Variants in AGTPBP1 observed in about 807,000 individuals in gnomAD.
AGTPBP1 encodes cytosolic carboxypeptidase 1.
In AGTPBP1, 70 loss-of-function variants were observed where a neutral mutation model predicts 143.9. The observed-to-expected ratio is 0.49, with a 90% confidence interval of 0.40 to 0.59. The LOEUF is 0.59. Ranked by LOEUF, AGTPBP1 falls within the 20% of genes least tolerant of loss-of-function variation. The pLI is 0.00. For synonymous variants in AGTPBP1, 463 were observed against 500.2 expected (o/e 0.93, Z 0.99); for missense variants, 1,229 against 1,464.5 (o/e 0.84, Z 2.62).
Position 85,714,880 on chromosome 9 carries a change from T to C in AGTPBP1, c.-33-2314A>G, listed in dbSNP as rs184731725. Among the ~76,000 whole-genome samples the C allele has an allele frequency of 2.8e-3, 433 of 152,294 alleles. 3 individuals are homozygous for C. The highest frequency in any genetic ancestry group is 0.022 in the South Asian group (106 of 4,828). On this transcript the variant is annotated intron_variant, in intron 1 of 25. Coordinates refer to ENST00000357081, the MANE Select transcript of AGTPBP1 (RefSeq NM_001330701.2). ...AAAAATGAATATATATGTGTGTATA[T>C]ATGATCAGAATATCAAGACAACGTG...
chr9:85,771,691 G>C, the AGTPBP1 span, among the ~76,000 whole-genome samples: 4 of 148,210 alleles, frequency 2.7e-5, no homozygotes, highest in Non-Finnish European at 6.0e-5. Context: ...CTCGCTCTGT[G>C]GCCCAGGCTG....
intron 7 of AGTPBP1, 107 bp from the exon 8 acceptor site, chr9:85,669,685 G>A (rs1012108922): frequency 3.2e-6 from 2 of 617,578 alleles, no homozygotes; most frequent in Non-Finnish European, 5.8e-6. Context: ...TTTAGTAAAT[G>A]TCAACTCAAG....
At chr9:85,757,367 G>A in the AGTPBP1 span, among the ~76,000 whole-genome samples, 2 of 151,870 alleles carry the variant, frequency 1.3e-5, 1 homozygote, top group Non-Finnish European at 2.9e-5. Flanking sequence ...GCCCGGCCTT[G>A]AGTTATATAC....
intron 17 of AGTPBP1, among the ~76,000 whole-genome samples, chr9:85,618,325 A>G (rs1305027065): frequency 1.3e-5 from 2 of 152,198 alleles, no homozygotes; most frequent in African/African-American, 2.4e-5. Context: ...ATTCTACCAA[A>G]GTTTAAGAAT....
At chr9:85,756,716 G>A in the AGTPBP1 span, among the ~76,000 whole-genome samples, 1 of 152,180 alleles carries the variant, frequency 6.6e-6, no homozygotes, top group South Asian at 2.1e-4. Flanking sequence ...ATCAAGTGAT[G>A]AATGGATAAA....
intron 25 of AGTPBP1, among the ~76,000 whole-genome samples, chr9:85,574,496 A>T (rs1277819821): frequency 6.6e-6 from 1 of 151,984 alleles, no homozygotes; most frequent in Non-Finnish European, 1.5e-5. Flanking sequence ...TATGACATGA[A>T]ATTATCTCTG....
At chr9:85,654,589 T>A (rs2133926434) in intron 11 of AGTPBP1, among the ~76,000 whole-genome samples, 1 of 152,292 alleles carries the variant, frequency 6.6e-6, no homozygotes, top group South Asian at 2.1e-4. Context: ...ACACCTGTAA[T>A]CCCAGCACTT....
intron 25 of AGTPBP1, among the ~76,000 whole-genome samples, chr9:85,550,294 T>TC: frequency 6.6e-6 from 1 of 151,642 alleles, no homozygotes; most frequent in East Asian, 1.9e-4. Flanking sequence ...GAAGATTACA[T>TC]CCCCCAACAT....
intron 13 of AGTPBP1, among the ~76,000 whole-genome samples, chr9:85,639,789 T>A (rs1346108128): frequency 6.6e-6 from 1 of 152,166 alleles, no homozygotes; most frequent in African/African-American, 2.4e-5. Flanking sequence ...TATTCTGCCA[T>A]CAAGAAACAA....
chr9:85,743,190 A>G (rs1208885482), upstream of AGTPBP1, among the ~76,000 whole-genome samples: 1 of 152,260 alleles, frequency 6.6e-6, no homozygotes, highest in Non-Finnish European at 1.5e-5. Context: ...TAATTTTACA[A>G]TAATGCTAAA....
At chr9:85,558,257 C>T (rs1313174931) in intron 25 of AGTPBP1, among the ~76,000 whole-genome samples, 2 of 152,128 alleles carry the variant, frequency 1.3e-5, no homozygotes, top group Non-Finnish European at 2.9e-5. Flanking sequence ...TTGTATGATT[C>T]CATTTCTATG....
chr9:85,783,634 T>G, the AGTPBP1 span, among the ~76,000 whole-genome samples: 1 of 152,124 alleles, frequency 6.6e-6, no homozygotes, highest in Non-Finnish European at 1.5e-5. Flanking sequence ...TGTTTTTTTT[T>G]TGTTTGTTTT....
At chr9:85,560,386 C>T (rs1008405682) in intron 25 of AGTPBP1, among the ~76,000 whole-genome samples, 1 of 152,166 alleles carries the variant, frequency 6.6e-6, no homozygotes, top group Non-Finnish European at 1.5e-5. Flanking sequence ...AGCCCATCTC[C>T]TATTTCACAA....
chr9:85,596,259 G>A (rs1587705145), intron 18 of AGTPBP1, 103 bp downstream of exon 18: 1 of 739,328 alleles, frequency 1.4e-6, no homozygotes, highest in East Asian at 2.8e-5. Context: ...ACAATTCAAA[G>A]TATGCAATAA....
chr9:85,676,450 C>T (rs1834835919), intron 6 of AGTPBP1, among the ~76,000 whole-genome samples: 1 of 151,598 alleles, frequency 6.6e-6, no homozygotes, highest in African/African-American at 2.4e-5. Context: ...TAGATAAAAA[C>T]GCTCAACATT....
chr9:85,603,996 A>G (rs541551209), intron 17 of AGTPBP1, among the ~76,000 whole-genome samples: 2 of 152,220 alleles, frequency 1.3e-5, no homozygotes, highest in African/African-American at 4.8e-5. Flanking sequence ...GATTCCTAAC[A>G]TTCCCGACTC....
chr9:85,581,542 T>A (rs12337577), intron 23 of AGTPBP1, among the ~76,000 whole-genome samples: 187 of 152,296 alleles, frequency 1.2e-3, no homozygotes, highest in African/African-American at 4.1e-3. Flanking sequence ...CATCCATCCA[T>A]TCAACAAATA....
intron 4 of AGTPBP1, among the ~76,000 whole-genome samples, chr9:85,678,608 T>C (rs1834979687): frequency 6.6e-6 from 1 of 152,192 alleles, no homozygotes. Context: ...TTGTGAAATA[T>C]CAACATTACA....
chr9:85,766,666 T>C, the AGTPBP1 span, among the ~76,000 whole-genome samples: 1 of 152,112 alleles, frequency 6.6e-6, no homozygotes, highest in African/African-American at 2.4e-5. Flanking sequence ...CATGAGCTTC[T>C]ATGCACCTTT....
Sources: allele counts gnomAD v4.1 joint callset (sites outside exome capture counted in the v4.1 genomes callset), GRCh38; gene constraint gnomAD v4.1.1; transcripts MANE v1.5; gene names NCBI Gene and HGNC (gene_info 2026-07-23, HGNC 2026-07-21).